The following SERHL2 variants were observed in gnomAD, a reference collection of about 807,000 sequenced individuals.
The protein encoded by SERHL2 is serine hydrolase like 2, also known as serine hydrolase-like protein 2.
Under a neutral mutation model 25.5 loss-of-function variants are expected in SERHL2, and 29 were observed. The observed-to-expected ratio is 1.14, with a 90% CI of 0.85 to 1.55. The LOEUF (loss-of-function observed/expected upper bound fraction) is 1.55. SERHL2 is among the 40% of genes most tolerant of loss of function. SERHL2 has a pLI of 0.00. For missense variants in SERHL2, 240 were observed against 252.3 expected (o/e 0.95, Z 0.33); for synonymous variants, 95 against 103.5 (o/e 0.92, Z 0.50).
At chr22:42,559,076 C>T (rs1315814268) in intron 7 of SERHL2, among the ~76,000 whole-genome samples, 1 of 85,686 alleles carries the variant, frequency 1.2e-5, no homozygotes, top group Non-Finnish European at 2.1e-5. Flanking sequence ...CACACACACC[C>T]TGCCGCTGTA....
chr22:42,554,186 T>A (rs1921945578), intron 1 of SERHL2, 144 bp downstream of exon 1: 1 of 1,043,348 alleles, frequency 9.6e-7, no homozygotes. Context: ...TCCCGGGGCA[T>A]GAGAGCGCGA....
In SERHL2 at chr22:42,560,187, T is replaced by C. The variant is rs748691203; in HGVS notation, c.535T>C (p.Leu179=). The change falls in exon 8 of 12, where the codon TTA becomes CTA. Residue 179 remains leucine, a splice_region_variant and synonymous_variant. Transcript: ENST00000327678. ...CAGCATCCTTCTGTCTCCCCCCAGG[T>C]TACTGAAGAGCAATAGCCACTTGAG... ...VFSLKQLLQR[L]LKSNSHLSEE... 18 of 1,610,726 alleles carry C rather than the reference T, an allele frequency of 1.1e-5. No homozygotes were observed. The South Asian group carries it at 2.0e-4, about 18-fold the overall frequency.
At chr22:42,554,132 C>T in intron 1 of SERHL2, 90 bp downstream of exon 1, 3 of 1,466,258 alleles carry the variant, frequency 2.0e-6, no homozygotes, top group Non-Finnish European at 2.8e-6. Flanking sequence ...GAGGGTTCGC[C>T]GACCGCGTCG....
chr22:42,568,872 A>T (rs1376880666), intron 9 of SERHL2, among the ~76,000 whole-genome samples: 1 of 151,656 alleles, frequency 6.6e-6, no homozygotes, highest in Non-Finnish European at 1.5e-5. Context: ...AGGCTGAGGC[A>T]GGAGAATCGC....
chr22:42,563,381 T>C lies in SERHL2; in HGVS notation c.614-2923T>C, dbSNP rs977390840. The C allele has an allele frequency of 7.1e-6, 3 of 420,182 alleles. No homozygotes were observed. The Admixed American group carries it at 8.0e-5, about 11-fold the overall frequency. The allele number at this position is 420,182 out of a possible 1,614,324, so 26.0% of individuals were successfully genotyped here. A position where few individuals can be genotyped will look rare whatever the true frequency, so the allele number is the denominator to read the frequency against. ...CCACACCTGGCTAATTTTTGTATTT[T>C]TTTGTAGAGATGGAGTTTCGCCATG... On this transcript the variant is annotated intron_variant, in intron 8 of 11. Coordinates refer to ENST00000327678, the MANE Select transcript of SERHL2 (RefSeq NM_014509.5).
intron 11 of SERHL2, chr22:42,573,540 G>C (rs550481389): frequency 4.9e-6 from 1 of 203,866 alleles, no homozygotes; most frequent in Admixed American, 5.3e-5. Flanking sequence ...GAATACAGGC[G>C]TGAGCCACTG....
At chr22:42,573,755 C>T (rs1351330352) in intron 11 of SERHL2, 181 bp from the exon 12 acceptor site, 2 of 703,974 alleles carry the variant, frequency 2.8e-6, no homozygotes, top group Admixed American at 2.4e-5. Context: ...GGTTAGACAC[C>T]TCCTGGGGTG....
At chr22:42,560,378 C>G in intron 8 of SERHL2, 113 bp downstream of exon 8, 2 of 752,726 alleles carry the variant, frequency 2.7e-6, no homozygotes, top group Non-Finnish European at 2.3e-6. Flanking sequence ...AACAGCATCT[C>G]ACTGAATCCC....
rs576001585 is a variant in SERHL2 at position 42,571,327 on chromosome 22, A to G, written c.731+124A>G. 170 of 1,517,344 alleles carry G rather than the reference A, an allele frequency of 1.1e-4. 1 individual carries two copies. The African/African-American group carries it at 2.2e-3, about 20-fold the overall frequency. 94.0% of individuals were successfully genotyped at this position (1,517,344 alleles called of 1,614,324 possible). A position where few individuals can be genotyped will look rare whatever the true frequency, so the allele number is the denominator to read the frequency against. On this transcript the variant is annotated intron_variant, in intron 10 of 11. Transcript: ENST00000327678. ...GTGTCGACCACATCGCTAAGGCTCA[A>G]GATCTTTTTTGGGAAGCCCCCCTGG...
Position 42,572,476 on chromosome 22 carries a change from G to A in SERHL2, c.772G>A (p.Glu258Lys), listed in dbSNP as rs541123559. 2 of 1,612,110 alleles carry A rather than the reference G, an allele frequency of 1.2e-6. No homozygotes were observed. The highest frequency in any genetic ancestry group is 1.7e-5 in the Admixed American group (1 of 60,008). ...GYFDSRQNYS[E>K]KESLSFMIDT... ...TTTTGATTCAAGACAGAATTACTCTGAGAAGGAGTCCCTGTCGTTCATGAT... is the reference window on the plus strand; with the variant it reads ...TTTTGATTCAAGACAGAATTACTCTAAGAAGGAGTCCCTGTCGTTCATGAT... Residue 258 changes from glutamate to lysine, a missense_variant, in exon 11 of 12, where the codon GAG becomes AAG. Glu to Lys is a moderately conservative substitution (Grantham distance 56). Coordinates refer to ENST00000327678, the MANE Select transcript of SERHL2 (RefSeq NM_014509.5).
chr22:42,570,686 G>C (rs1024267231), intron 9 of SERHL2, among the ~76,000 whole-genome samples: 3 of 152,174 alleles, frequency 2.0e-5, no homozygotes, highest in African/African-American at 7.2e-5. Context: ...GTCCCAGCAA[G>C]TTTCTTCCTC....
Position 42,556,544 on chromosome 22 carries a change from A to G in SERHL2, c.379A>G (p.Lys127Glu), listed in dbSNP as rs778986178. The G allele has an allele frequency of 5.0e-6, 8 of 1,609,260 alleles. No homozygotes were observed. Among genetic ancestry groups the G allele is most frequent in the East Asian group, 2.2e-5 (1 of 44,868 alleles). ...FFCTFPEMVD[K>E]LILLDTPLFL... The stretch of plus-strand genomic sequence containing the variant: ...CTGTACCTTCCCCGAGATGGTGGAT[A>G]AACTTATCTTGCTGGACACGCCGCT... Residue 127 changes from lysine to glutamate, a missense_variant, in exon 6 of 12, where the codon AAA becomes GAA. By Grantham distance (56) the Lys-to-Glu change is moderately conservative. Transcript: ENST00000327678.
chr22:42,568,507 A>G (rs540965405), intron 9 of SERHL2, among the ~76,000 whole-genome samples: 2 of 152,028 alleles, frequency 1.3e-5, no homozygotes, highest in East Asian at 1.9e-4. Flanking sequence ...ACCATGTCTT[A>G]TGTGACCTGT....
At chr22:42,564,911 C>T (rs1251347035) in intron 8 of SERHL2, 3 of 152,152 alleles carry the variant, frequency 2.0e-5, no homozygotes, top group African/African-American at 7.2e-5. Flanking sequence ...AACCCTTCCA[C>T]TTGAGTCTTC....
At chr22:42,568,678 GT>G (rs202057402) in intron 9 of SERHL2, among the ~76,000 whole-genome samples, 1,629 of 152,056 alleles carry the variant, frequency 0.011, 28 homozygotes, top group African/African-American at 0.038. Context: ...GGCCAGCTAA[GT>G]TTTAAGTTTC....
intron 9 of SERHL2, chr22:42,569,837 ATTTGTGTG>A (rs1158619574): frequency 1.7e-5 from 2 of 118,812 alleles, no homozygotes; most frequent in African/African-American, 4.2e-5. Context: ...GTTCATAGCA[ATTTGTGTG>A]TGTGTGTGTG....
intron 10 of SERHL2, 40 bp downstream of exon 10, chr22:42,571,243 G>A (rs1447597748): frequency 4.4e-6 from 7 of 1,607,912 alleles, no homozygotes; most frequent in South Asian, 1.1e-5. Context: ...CCGCCAAGGA[G>A]ACATGGGCGC....
chr22:42,571,048 C>T lies in SERHL2; in HGVS notation c.649-73C>T, dbSNP rs1924104222. ...CCTCGCCAGGACTTAGCCACCCCAA[C>T]AGAGATGGGTTTCGTGCCCACGAGA... On this transcript the variant is annotated intron_variant, in intron 9 of 11. Transcript: ENST00000327678. 5.0e-6 allele frequency: 8 copies of T among 1,606,304 alleles called. No homozygotes were observed. In the Admixed American group the frequency reaches 8.4e-5, roughly 17 times the overall value.
At chr22:42,573,605 GCCC>G (rs1183382267) in intron 11 of SERHL2, 7 of 280,260 alleles carry the variant, frequency 2.5e-5, no homozygotes, top group South Asian at 2.3e-4. Flanking sequence ...GGCTGTTCAC[GCCC>G]CCATCTCATT....
Sources: allele counts gnomAD v4.1 joint callset (sites outside exome capture counted in the v4.1 genomes callset), GRCh38; gene constraint gnomAD v4.1.1; transcripts MANE v1.5; gene names NCBI Gene and HGNC (gene_info 2026-07-23, HGNC 2026-07-21).